Variants in BICRAL observed in about 807,000 individuals in gnomAD.
The protein encoded by BICRAL is BRD4-interacting chromatin-remodeling complex-associated protein-like.
In BICRAL, 8 loss-of-function variants were observed where a neutral mutation model predicts 91.8. The observed-to-expected ratio is 0.09, with a 90% CI of 0.05 to 0.16. The LOEUF (loss-of-function observed/expected upper bound fraction) is 0.16, where lower values mean the gene tolerates loss of function less well. Among genes scored for constraint, BICRAL ranks in the 10% least tolerant of loss-of-function variants. The pLI is 1.00. For missense variants in BICRAL, 1,038 were observed against 1,310.9 expected (o/e 0.79, Z 3.21); for synonymous variants, 445 against 491.1 (o/e 0.91, Z 1.24).
intron 1 of BICRAL, among the ~76,000 whole-genome samples, chr6:42,768,159 A>G (rs925706224): frequency 6.6e-6 from 1 of 152,210 alleles, no homozygotes; most frequent in Non-Finnish European, 1.5e-5. Flanking sequence ...AGCAGTGGAA[A>G]TGAAATTGAG....
chr6:42,842,804 C>G (rs1400785805), intron 6 of BICRAL, among the ~76,000 whole-genome samples: 2 of 152,030 alleles, frequency 1.3e-5, no homozygotes, highest in Non-Finnish European at 2.9e-5. Context: ...CAGCCCCAGA[C>G]ATATAACAAT....
intron 1 of BICRAL, among the ~76,000 whole-genome samples, chr6:42,787,969 A>AC (rs1204328053): frequency 6.6e-6 from 1 of 151,302 alleles, no homozygotes; most frequent in African/African-American, 2.4e-5. Flanking sequence ...ATTACGGCTT[A>AC]CCACAGACTC....
At chr6:42,842,449 A>G (rs1248034081) in intron 6 of BICRAL, among the ~76,000 whole-genome samples, 1 of 152,186 alleles carries the variant, frequency 6.6e-6, no homozygotes, top group East Asian at 1.9e-4. Context: ...AGAAAGCACA[A>G]ATCTCCGACC....
chr6:42,811,220 AC>A (rs1304755728), intron 2 of BICRAL, among the ~76,000 whole-genome samples: 18 of 152,308 alleles, frequency 1.2e-4, no homozygotes, highest in Non-Finnish European at 8.8e-5. Flanking sequence ...CCTGTAACCA[AC>A]CCAGCTTACT....
At chr6:42,814,499 GTATATA>G (rs1554278814) in intron 2 of BICRAL, among the ~76,000 whole-genome samples, 1 of 61,280 alleles carries the variant, frequency 1.6e-5, no homozygotes, top group Non-Finnish European at 2.8e-5. Flanking sequence ...GTGTGTGTGT[GTATATA>G]TATATATATA....
At chr6:42,792,406 T>C (rs1478646033) in intron 1 of BICRAL, among the ~76,000 whole-genome samples, 1 of 151,472 alleles carries the variant, frequency 6.6e-6, no homozygotes, top group Non-Finnish European at 1.5e-5. Context: ...TAGCTGGGAT[T>C]ACATGCATGT....
chr6:42,778,840 C>T (rs184602676), upstream of BICRAL, among the ~76,000 whole-genome samples: 262 of 152,094 alleles, frequency 1.7e-3, no homozygotes, highest in Non-Finnish European at 2.3e-3. Context: ...GGGGGAGGGA[C>T]GGAGTCTTGC....
At chr6:42,796,882 C>A (rs753613624) in intron 1 of BICRAL, among the ~76,000 whole-genome samples, 10 of 151,800 alleles carry the variant, frequency 6.6e-5, no homozygotes, top group Non-Finnish European at 1.2e-4. Flanking sequence ...CCCATCCCTA[C>A]TAAAAGCACA....
At chr6:42,855,472 G>A (rs1765322316) in intron 8 of BICRAL, among the ~76,000 whole-genome samples, 1 of 152,058 alleles carries the variant, frequency 6.6e-6, no homozygotes, top group Admixed American at 6.6e-5. Context: ...AGCCTGGGAA[G>A]CAGAGGTTGC....
intron 1 of BICRAL, among the ~76,000 whole-genome samples, chr6:42,771,970 T>G (rs1762744352): frequency 6.6e-6 from 1 of 152,222 alleles, no homozygotes; most frequent in African/African-American, 2.4e-5. Context: ...GGTATGTGCC[T>G]GTCTGGGGAG....
chr6:42,854,823 G>GT (rs1371405814), intron 8 of BICRAL, among the ~76,000 whole-genome samples: 8 of 152,002 alleles, frequency 5.3e-5, no homozygotes, highest in Non-Finnish European at 7.4e-5. Flanking sequence ...TCCTGGCCTA[G>GT]TTTTTTTTGT....
intron 5 of BICRAL, among the ~76,000 whole-genome samples, chr6:42,825,577 A>AG (rs1257140327): frequency 6.6e-6 from 1 of 151,636 alleles, no homozygotes; most frequent in East Asian, 1.9e-4. Context: ...AAAAAAAAAA[A>AG]GAAAAAATAG....
intron 1 of BICRAL, among the ~76,000 whole-genome samples, chr6:42,768,952 G>T (rs1349669764): frequency 6.6e-6 from 1 of 152,174 alleles, no homozygotes; most frequent in Non-Finnish European, 1.5e-5. Context: ...AAACAAAATA[G>T]TAGTAAAGAA....
At position 42,751,145 on chromosome 6, in the gene BICRAL, T is replaced by G. The variant is rs78766849; in HGVS notation, c.-261+4122T>G. Among the ~76,000 whole-genome samples the G allele has an allele frequency of 3.0e-3, 462 of 151,806 alleles. 7 individuals carry two copies. The highest frequency in any genetic ancestry group is 0.029 in the East Asian group (149 of 5,168). On this transcript the variant is annotated intron_variant, in intron 1 of 14. Coordinates refer to the BICRAL transcript ENST00000614467. ...ACACTGCATTTAGTTATTGTGTCCC[T>G]TAAATCACTTTTTTTTTTTTTTAGT...
upstream of BICRAL, among the ~76,000 whole-genome samples, chr6:42,777,523 A>C (rs535801373): frequency 5.3e-5 from 8 of 152,348 alleles, no homozygotes; most frequent in African/African-American, 1.9e-4. Flanking sequence ...TTTGCTTCAC[A>C]AACACTCTAT....
intron 1 of BICRAL, among the ~76,000 whole-genome samples, chr6:42,793,319 T>G (rs940519512): frequency 3.6e-5 from 4 of 111,934 alleles, no homozygotes; most frequent in African/African-American, 1.0e-4. Flanking sequence ...TTTTTTTTTT[T>G]TTTTTTGTAT....
intron 12 of BICRAL, among the ~76,000 whole-genome samples, chr6:42,864,091 G>A (rs781441093): frequency 6.6e-6 from 1 of 151,280 alleles, no homozygotes; most frequent in East Asian, 1.9e-4. Flanking sequence ...CGCTTGAACC[G>A]AGGAGGCAGA....
chr6:42,833,373 A>G (rs1242788254), intron 6 of BICRAL, among the ~76,000 whole-genome samples: 1 of 151,998 alleles, frequency 6.6e-6, no homozygotes, highest in Non-Finnish European at 1.5e-5. Context: ...AGCTCAAGCA[A>G]TCCTCCCACC....
chr6:42,762,401 T>A (rs1009018811), intron 1 of BICRAL, among the ~76,000 whole-genome samples: 1 of 152,242 alleles, frequency 6.6e-6, no homozygotes, highest in Admixed American at 6.5e-5. Context: ...AAACTTTTTT[T>A]AAAGCATTTT....
Sources: allele counts gnomAD v4.1 joint callset (sites outside exome capture counted in the v4.1 genomes callset), GRCh38; gene constraint gnomAD v4.1.1; transcripts MANE v1.5; gene names NCBI Gene and HGNC (gene_info 2026-07-23, HGNC 2026-07-21).